Variants in REPS2 observed in about 807,000 individuals in gnomAD.
REPS2 encodes RALBP1 associated Eps domain containing 2.
A neutral mutation model predicts 53.6 loss-of-function variants in REPS2; 23 were observed. The ratio of observed to expected loss-of-function variants is 0.43; its 90% CI spans 0.31 to 0.61. REPS2 has a LOEUF of 0.61. REPS2 is among the 20% of genes least tolerant of loss of function. REPS2 has a pLI of 0.11. For synonymous variants in REPS2, 238 were observed against 218.6 expected, an observed-to-expected ratio of 1.09 and a Z score of -0.78; for missense variants, 446 against 534.9, an observed-to-expected ratio of 0.83 and a Z score of 1.64.
intron 1 of REPS2, among the ~76,000 whole-genome samples, chrX:16,951,629 T>C (rs1288392186): frequency 9.2e-6 from 1 of 109,171 alleles, no homozygotes; most frequent in Non-Finnish European, 1.9e-5. Flanking sequence ...GGTGGGAGGA[T>C]CCCTTGAGCC....
chrX:17,052,276 A>T, intron 6 of REPS2, 106 bp from the exon 7 acceptor site: 1 of 598,257 alleles, frequency 1.7e-6, no homozygotes, highest in Non-Finnish European at 2.7e-6. Context: ...TTGTGGTTAT[A>T]CAGAAGAGAT....
the REPS2 span, among the ~76,000 whole-genome samples, chrX:17,170,672 G>A: frequency 8.9e-6 from 1 of 112,387 alleles, no homozygotes; most frequent in Admixed American, 9.4e-5. Flanking sequence ...TTCTTTGTGA[G>A]TGGACACAGG....
intron 1 of REPS2, among the ~76,000 whole-genome samples, chrX:16,988,337 G>C: frequency 9.0e-6 from 1 of 111,612 alleles, no homozygotes; most frequent in Non-Finnish European, 1.9e-5. Flanking sequence ...CTACATAGAA[G>C]ACCCTGAGAA....
intron 14 of REPS2, among the ~76,000 whole-genome samples, chrX:17,117,367 G>T (rs1454318236): frequency 9.0e-6 from 1 of 111,045 alleles, no homozygotes; most frequent in Non-Finnish European, 1.9e-5. Flanking sequence ...TTGGTGTGCT[G>T]CACCCATTAA....
chrX:16,953,100 AACACACACAC>A (rs68090119), intron 1 of REPS2, among the ~76,000 whole-genome samples: 1,151 of 97,251 alleles, frequency 0.012, 20 homozygotes, highest in African/African-American at 0.038. Flanking sequence ...CCAAAAAACA[AACACACACAC>A]ACACACACAC....
chrX:17,046,470 C>G (rs895393775), intron 5 of REPS2, among the ~76,000 whole-genome samples: 5 of 111,760 alleles, frequency 4.5e-5, no homozygotes, highest in African/African-American at 1.6e-4. Context: ...GCCACTGCAC[C>G]CGGCCAAGCC....
chrX:17,024,159 G>A (rs914069093), intron 3 of REPS2, among the ~76,000 whole-genome samples: 171 of 107,581 alleles, frequency 1.6e-3, no homozygotes, highest in Non-Finnish European at 2.8e-3. Context: ...GTGTGGTGGC[G>A]CATGCCTGTA....
intron 1 of REPS2, among the ~76,000 whole-genome samples, chrX:16,969,619 G>A (rs905955087): frequency 6.9e-4 from 77 of 111,043 alleles, no homozygotes; most frequent in Non-Finnish European, 1.3e-3. Context: ...GCAGGCACTC[G>A]GCAGGCTGAG....
chrX:17,108,969 T>TAA (rs747801585), intron 14 of REPS2, among the ~76,000 whole-genome samples: 1 of 92,997 alleles, frequency 1.1e-5, no homozygotes, highest in Non-Finnish European at 2.2e-5. Context: ...ACTGCAGATT[T>TAA]AAAAAAAAAA....
intron 13 of REPS2, among the ~76,000 whole-genome samples, chrX:17,101,292 G>A (rs1005112625): frequency 1.8e-5 from 2 of 109,334 alleles, no homozygotes; most frequent in African/African-American, 3.3e-5. Context: ...TCGATCTCCT[G>A]ACCTCATGAT....
intron 1 of REPS2, among the ~76,000 whole-genome samples, chrX:16,955,826 A>G: frequency 8.9e-6 from 1 of 112,097 alleles, no homozygotes. Flanking sequence ...ACACCTTAGG[A>G]TCTTTCCACC....
intron 5 of REPS2, among the ~76,000 whole-genome samples, chrX:17,041,111 T>C (rs2061824741): frequency 8.9e-6 from 1 of 111,768 alleles, no homozygotes; most frequent in South Asian, 3.7e-4. Context: ...GCTCCTTCTG[T>C]CCTGTCACTG....
chrX:17,191,642 A>G, the REPS2 span, among the ~76,000 whole-genome samples: 1 of 112,547 alleles, frequency 8.9e-6, no homozygotes, highest in Non-Finnish European at 1.9e-5. Flanking sequence ...AACCTTATTC[A>G]TAATTGCCCA....
rs192429263 is a variant in REPS2 at position 17,078,611 on chromosome X, C to G, written c.1516+1204C>G. On this transcript the variant is annotated intron_variant, in intron 13 of 17. Transcript: ENST00000357277. ...TGCTATAAAAATTTCACATGGCTGG[C>G]GGATTATGACCTGGAAGATTTTCCT... Among the ~76,000 whole-genome samples the G allele has an allele frequency of 3.5e-3, 387 of 111,687 alleles. 2 individuals are homozygous for G. The highest frequency in any genetic ancestry group is 0.011 in the African/African-American group (351 of 30,729).
intron 13 of REPS2, among the ~76,000 whole-genome samples, chrX:17,095,657 G>C (rs1335515885): frequency 9.0e-6 from 1 of 110,846 alleles, no homozygotes; most frequent in Non-Finnish European, 1.9e-5. Flanking sequence ...TACTACAGCA[G>C]AGGGGACTGT....
At chrX:17,088,109 G>A (rs761064153) in intron 13 of REPS2, among the ~76,000 whole-genome samples, 2 of 111,045 alleles carry the variant, frequency 1.8e-5, no homozygotes, top group Non-Finnish European at 3.8e-5. Flanking sequence ...ATTATTCAGC[G>A]CTAATGAAAG....
chrX:17,029,640 G>A lies in REPS2; in HGVS notation c.771+17G>A. 8.8e-7 allele frequency: 1 copy of A among 1,138,104 alleles called. No homozygotes were observed. The highest frequency in any genetic ancestry group is 1.2e-6 in the Non-Finnish European group (1 of 831,587). The allele number at this position is 1,138,104 out of a possible 1,213,427, so 93.8% of individuals were successfully genotyped here. The stretch of plus-strand genomic sequence containing the variant: ...CTTATCCGGGTAAGTGATGATGCAG[G>A]GTTATGCCAATGGGACAGTAGAGTC... On this transcript the variant is annotated intron_variant, in intron 5 of 17. Coordinates refer to ENST00000357277, the MANE Select transcript of REPS2 (RefSeq NM_004726.3).
intron 4 of REPS2, among the ~76,000 whole-genome samples, chrX:17,028,919 G>A (rs1022308265): frequency 2.7e-5 from 3 of 111,651 alleles, no homozygotes; most frequent in Non-Finnish European, 5.6e-5. Context: ...AATAAAAGGA[G>A]TGAAAACATA....
intron 1 of REPS2, among the ~76,000 whole-genome samples, chrX:16,984,326 C>A (rs1489498427): frequency 1.8e-5 from 2 of 112,311 alleles, no homozygotes; most frequent in Non-Finnish European, 3.8e-5. Flanking sequence ...GACATGGCAG[C>A]TGGCCTCCTT....
Sources: gnomAD v4.1 joint callset for allele counts (sites outside exome capture counted in the v4.1 genomes callset) on GRCh38, gnomAD v4.1.1 for gene constraint, MANE v1.5 for transcripts, NCBI Gene and HGNC (gene_info 2026-07-23, HGNC 2026-07-21) for gene names.